Variants in TNRC6C observed in about 807,000 individuals in gnomAD.
TNRC6C encodes trinucleotide repeat containing adaptor 6C.
A neutral mutation model predicts 153.7 loss-of-function variants in TNRC6C; 20 were observed. The observed-to-expected ratio is 0.13, with a 90% CI of 0.09 to 0.19. The LOEUF (loss-of-function observed/expected upper bound fraction) is 0.19. Ranked by LOEUF, TNRC6C falls within the 10% of genes least tolerant of loss-of-function variation. The probability of loss-of-function intolerance (pLI) is 1.00; values close to 1 mark genes in which losing one functional copy is unlikely to be tolerated. For synonymous variants in TNRC6C, 811 were observed against 841.4 expected (o/e 0.96, Z 0.63); for missense variants, 1,987 against 2,172.0 (o/e 0.91, Z 1.69).
In TNRC6C at chr17:78,091,390, T is replaced by G. The variant is rs375585355; in HGVS notation, c.3803-50T>G. On this transcript the variant is annotated intron_variant, in intron 13 of 19. Transcript: ENST00000301624. ...TAGCTTCTATAGGAGAGCTTTAGAA[T>G]GAAGTCATTTAGAGGAGCAGGCGAA... 2.7e-6 allele frequency: 4 copies of G among 1,486,598 alleles called. No homozygotes were observed. The African/African-American group carries it at 5.8e-5, about 21-fold the overall frequency. The allele number at this position is 1,486,598 out of a possible 1,614,324, so 92.1% of individuals were successfully genotyped here.
intron 5 of TNRC6C, among the ~76,000 whole-genome samples, chr17:78,070,261 A>T (rs1245217248): frequency 6.6e-6 from 1 of 152,238 alleles, no homozygotes; most frequent in African/African-American, 2.4e-5. Context: ...GCAGCATAGT[A>T]ATGATTGAAA....
chr17:78,011,335 C>T (rs2071626084), intron 1 of TNRC6C, among the ~76,000 whole-genome samples: 1 of 152,236 alleles, frequency 6.6e-6, no homozygotes, highest in Non-Finnish European at 1.5e-5. Flanking sequence ...TCCATCTCCT[C>T]TGTCCCCACC....
At chr17:78,096,595 C>T (rs1598791076) in intron 16 of TNRC6C, among the ~76,000 whole-genome samples, 2 of 152,214 alleles carry the variant, frequency 1.3e-5, no homozygotes, top group Non-Finnish European at 2.9e-5. Context: ...CACTGCACAA[C>T]GCCATGTGGG....
chr17:78,000,332 G>T (rs572992738), upstream of TNRC6C, among the ~76,000 whole-genome samples: 33 of 152,086 alleles, frequency 2.2e-4, no homozygotes, highest in Middle Eastern at 3.4e-3. Flanking sequence ...TATGCTCAAG[G>T]CTGAGACTAT....
upstream of TNRC6C, among the ~76,000 whole-genome samples, chr17:78,001,878 G>A (rs913603079): frequency 1.3e-5 from 2 of 151,510 alleles, no homozygotes; most frequent in African/African-American, 2.4e-5. Context: ...TGTCCTGGGG[G>A]GAAGCATGAT....
exon 20 of TNRC6C, chr17:78,106,884 CAAAAAAAA>C (rs72217904): frequency 1.3e-5 from 1 of 75,730 alleles, no homozygotes; most frequent in Admixed American, 1.3e-4. Context: ...AAAAAAAATA[CAAAAAAAA>C]AAAAAAAAGT....
At chr17:78,050,020 G>C (rs183883077) in exon 3 of TNRC6C, 1 of 1,613,352 alleles carries the variant, frequency 6.2e-7, no homozygotes, top group Admixed American at 1.7e-5. Context: ...CAACAATGGC[G>C]TTGGTAATAT....
chr17:78,008,463 G>A (rs1027517525), intron 1 of TNRC6C: 1 of 152,196 alleles, frequency 6.6e-6, no homozygotes, highest in African/African-American at 2.4e-5. Context: ...TGGGAACCAC[G>A]TTTTCTCTGC....
chr17:77,958,473 G>A (rs1341813594), upstream of TNRC6C, among the ~76,000 whole-genome samples: 1 of 152,000 alleles, frequency 6.6e-6, no homozygotes, highest in East Asian at 1.9e-4. Context: ...CGGGTATTAA[G>A]GGGAAAGGAG....
intron 16 of TNRC6C, among the ~76,000 whole-genome samples, chr17:78,097,346 C>T (rs971215387): frequency 1.3e-5 from 2 of 152,106 alleles, no homozygotes; most frequent in African/African-American, 4.8e-5. Context: ...TTTGTTCTTC[C>T]ATTTTGTGGC....
At chr17:77,968,023 C>G (rs979394493) in intron 1 of TNRC6C, among the ~76,000 whole-genome samples, 1 of 151,936 alleles carries the variant, frequency 6.6e-6, no homozygotes, top group Non-Finnish European at 1.5e-5. Context: ...AGTTATTATT[C>G]TTATTATTCT....
intron 2 of TNRC6C, among the ~76,000 whole-genome samples, chr17:78,032,106 T>C (rs906054160): frequency 3.3e-5 from 5 of 152,218 alleles, no homozygotes; most frequent in African/African-American, 1.2e-4. Flanking sequence ...GTCTGTACAT[T>C]GGTCCATACG....
intron 1 of TNRC6C, among the ~76,000 whole-genome samples, chr17:77,961,361 G>A (rs2070861030): frequency 6.6e-6 from 1 of 152,038 alleles, no homozygotes; most frequent in Non-Finnish European, 1.5e-5. Flanking sequence ...TTGCCATGTT[G>A]GCCAGGCTGG....
intron 1 of TNRC6C, among the ~76,000 whole-genome samples, chr17:77,966,931 C>T (rs907574191): frequency 2.6e-5 from 4 of 152,102 alleles, no homozygotes; most frequent in Non-Finnish European, 5.9e-5. Context: ...CAAATCATTA[C>T]ATAAATAGAA....
chr17:78,007,773 T>A (rs954673890), intron 1 of TNRC6C, among the ~76,000 whole-genome samples: 33 of 152,196 alleles, frequency 2.2e-4, no homozygotes, highest in African/African-American at 7.7e-4. Context: ...ACTGAATCAA[T>A]CAACATTGTA....
At chr17:78,081,601 G>C (rs2073181140) in intron 10 of TNRC6C, among the ~76,000 whole-genome samples, 1 of 152,210 alleles carries the variant, frequency 6.6e-6, no homozygotes, top group Non-Finnish European at 1.5e-5. Flanking sequence ...GAAAGAAGCA[G>C]TGCAGGGATC....
chr17:78,035,042 T>A (rs915505221), intron 2 of TNRC6C, among the ~76,000 whole-genome samples: 1 of 152,152 alleles, frequency 6.6e-6, no homozygotes, highest in African/African-American at 2.4e-5. Flanking sequence ...AACTAGAACT[T>A]GTTATGCCAC....
chr17:78,022,156 TA>T (rs1428300942), intron 1 of TNRC6C, among the ~76,000 whole-genome samples: 1 of 152,196 alleles, frequency 6.6e-6, no homozygotes, highest in Non-Finnish European at 1.5e-5. Context: ...CCCCATCCTT[TA>T]AAAATGTAAG....
In TNRC6C at chr17:78,091,415, A is replaced by T. The variant is rs187662387; in HGVS notation, c.3803-25A>T. On this transcript the variant is annotated intron_variant, in intron 13 of 19. Transcript: ENST00000301624. ...TGAAGTCATTTAGAGGAGCAGGCGA[A>T]TCCTAACCGCATCTCTCTCTTTAGC... The T allele has an allele frequency of 4.0e-5, 62 of 1,560,194 alleles. No homozygotes were observed. The East Asian group carries it at 1.5e-3, about 37-fold the overall frequency.
Sources: allele counts gnomAD v4.1 joint callset (sites outside exome capture counted in the v4.1 genomes callset), GRCh38; gene constraint gnomAD v4.1.1; transcripts MANE v1.5; gene names NCBI Gene and HGNC (gene_info 2026-07-23, HGNC 2026-07-21).